Variants in CTNND2 observed in about 807,000 individuals in gnomAD.
CTNND2 encodes the protein catenin delta 2.
Under a neutral mutation model 144.4 loss-of-function variants are expected in CTNND2, and 22 were observed. That is an observed-to-expected ratio of 0.15 (90% CI 0.11 to 0.22). The LOEUF is 0.22. Ranked by LOEUF, CTNND2 falls within the 10% of genes least tolerant of loss-of-function variation. The probability of loss-of-function intolerance (pLI) is 1.00; values close to 1 mark genes in which losing one functional copy is unlikely to be tolerated. For synonymous variants in CTNND2, 751 were observed against 695.6 expected, an observed-to-expected ratio of 1.08 and a Z score of -1.25; for missense variants, 1,353 against 1,618.8, an observed-to-expected ratio of 0.84 and a Z score of 2.82.
chr5:11,687,571 G>A (rs1784712331), intron 2 of CTNND2, among the ~76,000 whole-genome samples: 1 of 152,156 alleles, frequency 6.6e-6, no homozygotes, highest in Admixed American at 6.5e-5. Flanking sequence ...CTAAAACATG[G>A]CTTAGGTGTG....
intron 1 of CTNND2, among the ~76,000 whole-genome samples, chr5:11,756,216 G>A (rs1788928545): frequency 6.6e-6 from 1 of 151,630 alleles, no homozygotes; most frequent in Non-Finnish European, 1.5e-5. Flanking sequence ...TTATTAACAA[G>A]TGGCTGATTC....
chr5:11,473,721 C>A, intron 3 of CTNND2, among the ~76,000 whole-genome samples: 1 of 152,272 alleles, frequency 6.6e-6, no homozygotes. Flanking sequence ...GCAAACAGAC[C>A]AATGGGTGAG....
intron 1 of CTNND2, among the ~76,000 whole-genome samples, chr5:11,825,663 A>T (rs1174376969): frequency 3.9e-5 from 6 of 152,098 alleles, no homozygotes; most frequent in Admixed American, 3.9e-4. Flanking sequence ...TTTTATCATT[A>T]TTAATAATAT....
chr5:11,364,825 A>G lies in CTNND2; in HGVS notation c.1243T>C (p.Ser415Pro). 1.2e-6 allele frequency: 2 copies of G among 1,613,782 alleles called. No homozygotes were observed. Among genetic ancestry groups the G allele is most frequent in the Non-Finnish European group, 8.5e-7 (1 of 1,179,890 alleles). The change falls in exon 8 of 22, where the codon TCC becomes CCC. Residue 415 changes from serine to proline, a missense_variant. Ser to Pro is a moderately conservative substitution (Grantham distance 74). Transcript: ENST00000304623. ...HLGPELRALQ[S>P]PEHHIDPIYE... ...ATGGGATCTATGTGGTGTTCTGGGG[A>G]CTGCAGGGCCCGCAACTCTGGGCCC... is the stretch of plus-strand genomic sequence containing the variant.
chr5:11,209,560 T>G (rs1580594571), intron 10 of CTNND2, among the ~76,000 whole-genome samples: 2 of 152,272 alleles, frequency 1.3e-5, no homozygotes, highest in Admixed American at 1.3e-4. Context: ...AGGAAATCTA[T>G]GAGATTTCAA....
intron 3 of CTNND2, among the ~76,000 whole-genome samples, chr5:11,424,257 G>A (rs1762595353): frequency 6.6e-6 from 1 of 152,180 alleles, no homozygotes; most frequent in Non-Finnish European, 1.5e-5. Flanking sequence ...GTGAAAAAGA[G>A]GAGTAACGTT....
At chr5:11,526,103 T>C (rs188662126) in intron 3 of CTNND2, among the ~76,000 whole-genome samples, 88 of 152,260 alleles carry the variant, frequency 5.8e-4, no homozygotes, top group African/African-American at 2.0e-3. Flanking sequence ...GGTTTCACCA[T>C]GTTGGCCAGG....
intron 1 of CTNND2, among the ~76,000 whole-genome samples, chr5:11,787,705 T>C (rs2126861580): frequency 2.7e-5 from 1 of 36,844 alleles, no homozygotes; most frequent in Non-Finnish European, 5.7e-5. Context: ...TGAATGTGTA[T>C]GTCCATGTCT....
At chr5:11,142,762 C>T (rs549478213) in intron 12 of CTNND2, among the ~76,000 whole-genome samples, 70 of 151,934 alleles carry the variant, frequency 4.6e-4, no homozygotes, top group African/African-American at 1.2e-3. Context: ...TACAGGCGCG[C>T]GCCACCATGC....
At chr5:11,831,738 A>G (rs1258149780) in intron 1 of CTNND2, among the ~76,000 whole-genome samples, 1 of 152,020 alleles carries the variant, frequency 6.6e-6, no homozygotes, top group Non-Finnish European at 1.5e-5. Flanking sequence ...TGACAAATGT[A>G]TTAATGTAAT....
chr5:11,193,388 T>G (rs1165278393), intron 11 of CTNND2, among the ~76,000 whole-genome samples: 1 of 152,224 alleles, frequency 6.6e-6, no homozygotes, highest in Non-Finnish European at 1.5e-5. Context: ...ATTTGAAGCA[T>G]CTCTACATTG....
chr5:11,879,052 A>G (rs1038521145), intron 1 of CTNND2, among the ~76,000 whole-genome samples: 33 of 152,178 alleles, frequency 2.2e-4, no homozygotes, highest in Admixed American at 1.3e-4. Context: ...GCCTGTGGTT[A>G]CCATGGAGAC....
intron 10 of CTNND2, among the ~76,000 whole-genome samples, chr5:11,236,438 T>C (rs866707796): frequency 1.4e-3 from 209 of 152,308 alleles, no homozygotes; most frequent in Middle Eastern, 3.4e-3. Flanking sequence ...CATTTGACAA[T>C]CCAGCCTCTA....
At chr5:11,122,044 A>G (rs572463953) in intron 12 of CTNND2, among the ~76,000 whole-genome samples, 5 of 152,188 alleles carry the variant, frequency 3.3e-5, no homozygotes, top group Non-Finnish European at 7.4e-5. Flanking sequence ...TGTGTGACAC[A>G]TAGTTGGCTC....
chr5:11,221,566 T>C (rs1561043802), intron 10 of CTNND2, among the ~76,000 whole-genome samples: 1 of 152,228 alleles, frequency 6.6e-6, no homozygotes, highest in East Asian at 1.9e-4. Context: ...AGCTCATAAC[T>C]GCAATGAAAT....
intron 1 of CTNND2, among the ~76,000 whole-genome samples, chr5:11,812,648 C>G (rs915382355): frequency 9.8e-5 from 15 of 152,306 alleles, no homozygotes; most frequent in Admixed American, 8.5e-4. Flanking sequence ...AGGAAAATAA[C>G]AGTAAAGCTG....
chr5:11,553,451 A>G (rs1775944746), intron 3 of CTNND2, among the ~76,000 whole-genome samples: 1 of 152,228 alleles, frequency 6.6e-6, no homozygotes, highest in Admixed American at 6.5e-5. Context: ...TCAAAAAGGG[A>G]AAATACACAT....
At position 11,816,658 on chromosome 5, in the gene CTNND2, AGAGAGGAGGAGAGAGAGAGAGG is replaced by A. The variant is rs1561822592; in HGVS notation, c.38-84408_38-84387del. Among the ~76,000 whole-genome samples the A allele has an allele frequency of 1.7e-3, 15 of 8,804 alleles. 2 individuals are homozygous for A. Among genetic ancestry groups the A allele is most frequent in the African/African-American group, 4.9e-3 (14 of 2,876 alleles). 5.8% of individuals were successfully genotyped at this position (8,804 alleles called of 152,430 possible). On this transcript the variant is annotated intron_variant, in intron 1 of 21. Transcript: ENST00000304623. ...AGGGGGGGAAGAGAGAGAGAGAGAGAGAGAGGAGGAGAGAGAGAGAGGGGGGGAGAGAGGGGGGAGAGAGAGA... is the reference window on the plus strand; with the variant it reads ...AGGGGGGGAAGAGAGAGAGAGAGAGAGGGGGAGAGAGGGGGGAGAGAGAGA...
intron 1 of CTNND2, among the ~76,000 whole-genome samples, chr5:11,889,004 C>T (rs972721822): frequency 2.6e-5 from 4 of 152,146 alleles, no homozygotes; most frequent in Admixed American, 2.6e-4. Context: ...TCCACCTCAG[C>T]TTCTCAAAGT....
Sources: gnomAD v4.1 joint callset for allele counts (sites outside exome capture counted in the v4.1 genomes callset) on GRCh38, gnomAD v4.1.1 for gene constraint, MANE v1.5 for transcripts, NCBI Gene and HGNC (gene_info 2026-07-23, HGNC 2026-07-21) for gene names.